The following MBNL1 variants were observed in gnomAD, a reference collection of about 807,000 sequenced individuals.
MBNL1 encodes muscleblind-like protein 1.
In MBNL1, 8 loss-of-function variants were observed where a neutral mutation model predicts 42.2. The observed-to-expected ratio is 0.19, with a 90% CI of 0.11 to 0.34. MBNL1 has a LOEUF of 0.34. Among genes scored for constraint, MBNL1 ranks in the 10% least tolerant of loss-of-function variants. The pLI is 1.00. For synonymous variants in MBNL1, 169 were observed against 173.9 expected (o/e 0.97, Z 0.22); for missense variants, 309 against 495.3 (o/e 0.62, Z 3.57).
chr3:152,388,014 T>C (rs1483479166), intron 2 of MBNL1, among the ~76,000 whole-genome samples: 2 of 152,180 alleles, frequency 1.3e-5, no homozygotes, highest in African/African-American at 4.8e-5. Context: ...CCCTGTAAAA[T>C]AATCCGTTCT....
chr3:152,386,802 C>T (rs2097448298), intron 2 of MBNL1, among the ~76,000 whole-genome samples: 1 of 151,994 alleles, frequency 6.6e-6, no homozygotes, highest in Admixed American at 6.6e-5. Context: ...TTTTAGGCAA[C>T]ATTTTAGACT....
chr3:152,408,134 C>T (rs918574887), intron 2 of MBNL1, among the ~76,000 whole-genome samples: 3 of 152,042 alleles, frequency 2.0e-5, no homozygotes, highest in African/African-American at 7.2e-5. Context: ...TGCACAGGTA[C>T]CCCAGAACTT....
intron 2 of MBNL1, among the ~76,000 whole-genome samples, chr3:152,391,391 A>G (rs551856307): frequency 1.3e-5 from 2 of 152,354 alleles, no homozygotes; most frequent in East Asian, 3.9e-4. Context: ...TTCTGTTCAC[A>G]GATTTTTGAC....
At chr3:152,436,916 T>C (rs1436806057) in intron 4 of MBNL1, among the ~76,000 whole-genome samples, 2 of 152,212 alleles carry the variant, frequency 1.3e-5, no homozygotes, top group Admixed American at 6.5e-5. Flanking sequence ...GTCTTATTCT[T>C]GTTAACAGGA....
chr3:152,399,330 C>T (rs2098119089), intron 2 of MBNL1, among the ~76,000 whole-genome samples: 1 of 152,014 alleles, frequency 6.6e-6, no homozygotes, highest in African/African-American at 2.4e-5. Flanking sequence ...TTGTCTCATC[C>T]ATTATTACCT....
chr3:152,361,605 G>A (rs1220042737), intron 2 of MBNL1, among the ~76,000 whole-genome samples: 2 of 151,902 alleles, frequency 1.3e-5, no homozygotes, highest in African/African-American at 4.8e-5. Flanking sequence ...CAGGTTATGA[G>A]GGACTTTGTG....
chr3:152,251,839 T>G (rs1194356722), intron 2 of MBNL1, among the ~76,000 whole-genome samples: 1 of 152,006 alleles, frequency 6.6e-6, no homozygotes, highest in East Asian at 1.9e-4. Context: ...CATCAAAAAT[T>G]TCCTCTCAGA....
At chr3:152,307,809 A>C (rs182366121) in intron 2 of MBNL1, among the ~76,000 whole-genome samples, 20 of 152,326 alleles carry the variant, frequency 1.3e-4, no homozygotes, top group African/African-American at 4.6e-4. Flanking sequence ...TTAAGAATAA[A>C]AATGAATATC....
At chr3:152,365,702 TAGAAAC>T (rs2153200133) in intron 2 of MBNL1, among the ~76,000 whole-genome samples, 1 of 152,264 alleles carries the variant, frequency 6.6e-6, no homozygotes, top group African/African-American at 2.4e-5. Flanking sequence ...ATGAGGTTGA[TAGAAAC>T]AGAACTATAT....
rs1578124343 is a variant in MBNL1, at chr3:152,332,742, G to GCA, written c.174+32376_174+32377insAC. Among the ~76,000 whole-genome samples the GCA allele has an allele frequency of 8.2e-5, 7 of 85,678 alleles. No homozygotes were observed. In the South Asian group the frequency reaches 8.3e-4, roughly 10 times the overall value. 56.2% of individuals were successfully genotyped at this position (85,678 alleles called of 152,430 possible). The stretch of plus-strand genomic sequence containing the variant: ...TGTGTGTGTGTGTGTGTGTGTGTGC[G>GCA]CGCGCGCATGCGCACACACTAGTTT... On this transcript the variant is annotated intron_variant, in intron 2 of 9. Transcript: ENST00000324210.
chr3:152,252,225 T>G (rs1248064539), intron 2 of MBNL1, among the ~76,000 whole-genome samples: 2 of 146,944 alleles, frequency 1.4e-5, no homozygotes, highest in Non-Finnish European at 3.0e-5. Context: ...CCTTCCTTCC[T>G]TCCTTCTTTT....
chr3:152,409,197 G>T (rs1035417389), intron 2 of MBNL1, among the ~76,000 whole-genome samples: 9 of 152,132 alleles, frequency 5.9e-5, no homozygotes, highest in African/African-American at 2.2e-4. Flanking sequence ...TTGTATGTAT[G>T]TGAAGTATAA....
chr3:152,315,146 G>T (rs990081558), intron 2 of MBNL1, among the ~76,000 whole-genome samples: 1 of 152,212 alleles, frequency 6.6e-6, no homozygotes, highest in Non-Finnish European at 1.5e-5. Context: ...ACAATTAGGA[G>T]AAAGTACAGG....
chr3:152,299,298 C>A lies in MBNL1; in HGVS notation c.-789-107C>A, dbSNP rs182240814. On this transcript the variant is annotated intron_variant, in intron 1 of 9. Transcript: ENST00000324210. ...TATGTGTGGGAGAGAGAGAGAGAGG[C>A]TGACTTGAATATTACTTAGTCTGGT... The A allele has an allele frequency of 7.9e-5, 13 of 163,990 alleles. No homozygotes were observed. The East Asian group carries it at 2.0e-3, about 26-fold the overall frequency. 10.2% of individuals were successfully genotyped at this position (163,990 alleles called of 1,614,324 possible).
chr3:152,360,204 T>TA (rs1216194524), intron 2 of MBNL1, among the ~76,000 whole-genome samples: 1 of 152,152 alleles, frequency 6.6e-6, no homozygotes, highest in African/African-American at 2.4e-5. Context: ...ATAATCAGGT[T>TA]AGTAGTCCTG....
chr3:152,458,478 T>A (rs1010875762), intron 8 of MBNL1: 3 of 365,142 alleles, frequency 8.2e-6, no homozygotes, highest in Non-Finnish European at 1.6e-5. Context: ...AATGAGTTGC[T>A]TTGCTCAGGG....
At chr3:152,251,340 T>C (rs2034493743) in intron 2 of MBNL1, among the ~76,000 whole-genome samples, 1 of 152,104 alleles carries the variant, frequency 6.6e-6, no homozygotes, top group Non-Finnish European at 1.5e-5. Context: ...CATTTATACA[T>C]GGTGGCTAAA....
chr3:152,313,706 C>T (rs1037960783), intron 2 of MBNL1, among the ~76,000 whole-genome samples: 1 of 152,174 alleles, frequency 6.6e-6, no homozygotes, highest in African/African-American at 2.4e-5. Flanking sequence ...CATTGCACTA[C>T]AGGTCTCTGT....
intron 1 of MBNL1, among the ~76,000 whole-genome samples, chr3:152,286,085 T>C (rs914547228): frequency 2.0e-5 from 3 of 151,696 alleles, no homozygotes; most frequent in Non-Finnish European, 4.4e-5. Flanking sequence ...GCATACATTT[T>C]TAGTTTTATC....
Sources: allele counts gnomAD v4.1 joint callset (sites outside exome capture counted in the v4.1 genomes callset), GRCh38; gene constraint gnomAD v4.1.1; transcripts MANE v1.5; gene names NCBI Gene and HGNC (gene_info 2026-07-23, HGNC 2026-07-21).